Variants in SLC4A4 observed in about 807,000 individuals in gnomAD.
SLC4A4 encodes electrogenic sodium bicarbonate cotransporter 1.
Under a neutral mutation model 111.5 loss-of-function variants are expected in SLC4A4, and 27 were observed. That is an observed-to-expected ratio of 0.24 (90% CI 0.18 to 0.33). The LOEUF is 0.33. Ranked by LOEUF, SLC4A4 falls within the 10% of genes least tolerant of loss-of-function variation. The probability of loss-of-function intolerance (pLI) is 1.00; values close to 1 mark genes in which losing one functional copy is unlikely to be tolerated. For missense variants in SLC4A4, 909 were observed against 1,315.5 expected (o/e 0.69, Z 4.78); for synonymous variants, 443 against 463.4 (o/e 0.96, Z 0.57).
chr4:71,223,438 C>T (rs1028824580), intron 1 of SLC4A4, among the ~76,000 whole-genome samples: 3 of 152,114 alleles, frequency 2.0e-5, no homozygotes, highest in African/African-American at 7.2e-5. Context: ...GCTGGTTTTA[C>T]AGGCGTGAGC....
chr4:71,400,805 G>A lies in SLC4A4; in HGVS notation c.807+3152G>A, dbSNP rs140412666. On this transcript the variant is annotated intron_variant, in intron 7 of 25. Transcript: ENST00000264485. The stretch of plus-strand genomic sequence containing the variant: ...GTGGATTTGCAAGTAAGATGAAGCT[G>A]TGATAAACTCTGGCTTTTATTTTTT... Among the ~76,000 whole-genome samples, 46 of 152,164 alleles carry A rather than the reference G, an allele frequency of 3.0e-4. No individual in the cohort carries two copies. The East Asian group carries it at 8.5e-3, about 28-fold the overall frequency.
intron 13 of SLC4A4, among the ~76,000 whole-genome samples, chr4:71,470,138 A>G (rs1305770772): frequency 6.6e-6 from 1 of 152,038 alleles, no homozygotes; most frequent in African/African-American, 2.4e-5. Context: ...TGTTATTCTG[A>G]CACTGACTCA....
intron 2 of SLC4A4, among the ~76,000 whole-genome samples, chr4:71,097,921 C>T (rs1255820692): frequency 2.6e-5 from 4 of 152,066 alleles, no homozygotes; most frequent in African/African-American, 7.2e-5. Flanking sequence ...GGATATTAGA[C>T]CTTTGTCAGA....
intron 14 of SLC4A4, among the ~76,000 whole-genome samples, chr4:71,482,718 CCTCAAAAG>C (rs2149125138): frequency 6.6e-6 from 1 of 151,752 alleles, no homozygotes; most frequent in South Asian, 2.1e-4. Context: ...TGTTGCCTTT[CCTCAAAAG>C]CTCAGACAGA....
chr4:71,486,279 C>T (rs1729393883), intron 14 of SLC4A4, among the ~76,000 whole-genome samples: 1 of 151,344 alleles, frequency 6.6e-6, no homozygotes, highest in Non-Finnish European at 1.5e-5. Flanking sequence ...AATTTTCAGA[C>T]ACATAAAATT....
intron 12 of SLC4A4, among the ~76,000 whole-genome samples, chr4:71,463,777 C>T (rs1438379300): frequency 1.3e-5 from 2 of 151,974 alleles, no homozygotes; most frequent in Admixed American, 1.3e-4. Context: ...GTCTACAGAC[C>T]ACATGTAGAG....
At chr4:71,437,128 A>G (rs983103751) in intron 7 of SLC4A4, 4 of 464,590 alleles carry the variant, frequency 8.6e-6, no homozygotes, top group Non-Finnish European at 8.6e-6. Flanking sequence ...ATCAGTTCCT[A>G]TATCTGAGTT....
At chr4:71,359,988 A>G (rs938099340) in intron 6 of SLC4A4, among the ~76,000 whole-genome samples, 1 of 152,196 alleles carries the variant, frequency 6.6e-6, no homozygotes, top group Non-Finnish European at 1.5e-5. Context: ...AGTCAGCTCT[A>G]ATCTGCTCGG....
intron 3 of SLC4A4, among the ~76,000 whole-genome samples, chr4:71,260,201 C>T (rs1031515322): frequency 3.3e-5 from 5 of 152,198 alleles, no homozygotes; most frequent in African/African-American, 4.8e-5. Context: ...TTGGTGCTTC[C>T]GGGTAAATGA....
intron 6 of SLC4A4, among the ~76,000 whole-genome samples, chr4:71,376,164 C>T (rs1207786111): frequency 1.4e-5 from 2 of 147,610 alleles, no homozygotes; most frequent in African/African-American, 5.1e-5. Flanking sequence ...TATACACACA[C>T]ACACACACAC....
At chr4:71,539,455 G>A (rs1195582512) in intron 18 of SLC4A4, among the ~76,000 whole-genome samples, 1 of 152,098 alleles carries the variant, frequency 6.6e-6, no homozygotes, top group East Asian at 1.9e-4. Context: ...TCAAATGCTA[G>A]CCAGTGCTCT....
chr4:71,103,455 C>A (rs1425030643), intron 2 of SLC4A4, among the ~76,000 whole-genome samples: 1 of 152,202 alleles, frequency 6.6e-6, no homozygotes, highest in Non-Finnish European at 1.5e-5. Context: ...CACCCCAAAT[C>A]AGCAGAATAT....
At chr4:71,523,344 G>A (rs572784233) in intron 16 of SLC4A4, among the ~76,000 whole-genome samples, 1 of 152,196 alleles carries the variant, frequency 6.6e-6, no homozygotes, top group East Asian at 1.9e-4. Flanking sequence ...ATCCAAAATT[G>A]TTTTTATACT....
intron 9 of SLC4A4, among the ~76,000 whole-genome samples, chr4:71,449,775 G>A (rs1725590647): frequency 1.3e-5 from 2 of 152,218 alleles, no homozygotes; most frequent in African/African-American, 4.8e-5. Flanking sequence ...TTTCTTTGGA[G>A]ATCTGCATAA....
chr4:71,427,247 C>G (rs931060943), intron 7 of SLC4A4, among the ~76,000 whole-genome samples: 5 of 151,894 alleles, frequency 3.3e-5, no homozygotes, highest in African/African-American at 1.2e-4. Flanking sequence ...ATATTTAGAT[C>G]ATTAGACTTT....
chr4:71,543,944 G>A (rs1735288462), intron 18 of SLC4A4, among the ~76,000 whole-genome samples: 1 of 152,006 alleles, frequency 6.6e-6, no homozygotes, highest in Non-Finnish European at 1.5e-5. Flanking sequence ...CCAGTAAGGG[G>A]AGTATATGCA....
intron 2 of SLC4A4, among the ~76,000 whole-genome samples, 153 bp from the exon 3 acceptor site, chr4:71,255,067 T>C (rs1463050685): frequency 1.3e-5 from 2 of 152,090 alleles, no homozygotes; most frequent in Non-Finnish European, 2.9e-5. Context: ...TAATTGAAAA[T>C]TGGGAGGAAA....
chr4:71,404,135 G>A (rs902932647), intron 7 of SLC4A4, among the ~76,000 whole-genome samples: 1 of 152,132 alleles, frequency 6.6e-6, no homozygotes, highest in Non-Finnish European at 1.5e-5. Flanking sequence ...GTGGGTGTAA[G>A]CCACCAAGAA....
chr4:71,316,623 C>T (rs1726705903), intron 3 of SLC4A4, among the ~76,000 whole-genome samples: 1 of 152,010 alleles, frequency 6.6e-6, no homozygotes, highest in Non-Finnish European at 1.5e-5. Flanking sequence ...TAAATGTGTG[C>T]CATAGTAGTT....
Sources: gnomAD v4.1 joint callset for allele counts (sites outside exome capture counted in the v4.1 genomes callset) on GRCh38, gnomAD v4.1.1 for gene constraint, MANE v1.5 for transcripts, NCBI Gene and HGNC (gene_info 2026-07-23, HGNC 2026-07-21) for gene names.